RAPGEF4: variants seen among roughly 807,000 people sequenced by gnomAD.
RAPGEF4 encodes the protein RAP guanine-nucleotide-exchange factor (GEF) 4.
In RAPGEF4, 66 loss-of-function variants were observed where a neutral mutation model predicts 147.9. The observed-to-expected ratio is 0.45, with a 90% confidence interval of 0.37 to 0.55. The LOEUF (loss-of-function observed/expected upper bound fraction) is 0.55, where lower values mean the gene tolerates loss of function less well. RAPGEF4 is among the 20% of genes least tolerant of loss of function. The pLI is 0.00. For synonymous variants in RAPGEF4, 419 were observed against 442.7 expected (o/e 0.95, Z 0.67); for missense variants, 1,071 against 1,257.3 (o/e 0.85, Z 2.24).
At chr2:172,936,724 C>T (rs1686613860) in intron 6 of RAPGEF4, among the ~76,000 whole-genome samples, 1 of 151,702 alleles carries the variant, frequency 6.6e-6, no homozygotes, top group East Asian at 1.9e-4. Context: ...CCTGATGTTC[C>T]TAGTTTTCCT....
chr2:172,814,419 A>G lies in RAPGEF4; in HGVS notation c.438A>G (p.Leu146=). 6.2e-7 allele frequency: 1 copy of G among 1,614,142 alleles called. No homozygotes were observed. Among genetic ancestry groups the G allele is most frequent in the Non-Finnish European group, 8.5e-7 (1 of 1,179,992 alleles). Residue 146 remains leucine (L), a synonymous_variant, in exon 4 of 31, where the codon CTA becomes CTG. Coordinates refer to ENST00000397081, the MANE Select transcript of RAPGEF4 (RefSeq NM_007023.4). The part of the protein sequence containing the change: ...LRIEQKDFKA[L]WEKYRQYMAG... The stretch of plus-strand genomic sequence containing the variant: ...TCGAGCAGAAGGACTTCAAGGCACT[A>G]TGGGAGGTGAGCCCTAAGGCTTCTT...
At chr2:172,887,779 A>G (rs1697415668) in intron 4 of RAPGEF4, among the ~76,000 whole-genome samples, 1 of 152,070 alleles carries the variant, frequency 6.6e-6, no homozygotes, top group African/African-American at 2.4e-5. Context: ...GCCTTCGCAC[A>G]TACTGTTCCC....
chr2:172,857,431 T>C (rs1166512626), intron 4 of RAPGEF4, among the ~76,000 whole-genome samples: 1 of 152,246 alleles, frequency 6.6e-6, no homozygotes. Flanking sequence ...ACTCAGTGGA[T>C]ACTTCATATG....
At chr2:172,974,027 G>A (rs1690799461) in intron 10 of RAPGEF4, among the ~76,000 whole-genome samples, 2 of 152,180 alleles carry the variant, frequency 1.3e-5, no homozygotes, top group Admixed American at 6.5e-5. Context: ...CAATAGATTG[G>A]AAATGAAAAC....
intron 23 of RAPGEF4, among the ~76,000 whole-genome samples, chr2:173,023,212 A>T (rs1003839858): frequency 6.6e-6 from 1 of 152,134 alleles, no homozygotes; most frequent in African/African-American, 2.4e-5. Context: ...CATCCCTTTT[A>T]TGTCTTAGTC....
intron 4 of RAPGEF4, among the ~76,000 whole-genome samples, chr2:172,888,616 A>G (rs537959929): frequency 6.6e-6 from 1 of 152,362 alleles, no homozygotes; most frequent in Admixed American, 6.5e-5. Context: ...TTTGAATAAT[A>G]AGGATAATTC....
At chr2:172,993,458 T>C (rs1358120433) in intron 15 of RAPGEF4, among the ~76,000 whole-genome samples, 2 of 152,232 alleles carry the variant, frequency 1.3e-5, no homozygotes, top group African/African-American at 2.4e-5. Context: ...TAGGAACAGA[T>C]TGTAGTGTCC....
intron 1 of RAPGEF4, among the ~76,000 whole-genome samples, chr2:172,785,192 A>C (rs1685082155): frequency 6.6e-6 from 1 of 152,224 alleles, no homozygotes; most frequent in Non-Finnish European, 1.5e-5. Context: ...AGTAAGTGTC[A>C]AGGCCCTTTG....
intron 10 of RAPGEF4, among the ~76,000 whole-genome samples, chr2:172,977,228 C>A (rs1238758994): frequency 1.3e-5 from 2 of 152,146 alleles, no homozygotes; most frequent in Non-Finnish European, 2.9e-5. Flanking sequence ...GTCCTTGGGA[C>A]CCTTTCATTA....
intron 6 of RAPGEF4, among the ~76,000 whole-genome samples, chr2:172,925,783 GA>G (rs1339048844): frequency 2.1e-5 from 3 of 140,268 alleles, no homozygotes; most frequent in Non-Finnish European, 4.6e-5. Flanking sequence ...AAGAAAGAGA[GA>G]GAGAGAGAGA....
intron 4 of RAPGEF4, among the ~76,000 whole-genome samples, chr2:172,839,448 T>A (rs1691342623): frequency 6.6e-6 from 1 of 152,150 alleles, no homozygotes; most frequent in Admixed American, 6.5e-5. Context: ...ATGGGGTAAC[T>A]TCCTGACATT....
intron 4 of RAPGEF4, among the ~76,000 whole-genome samples, chr2:172,845,962 G>A (rs1020283123): frequency 1.3e-5 from 2 of 152,162 alleles, no homozygotes; most frequent in African/African-American, 2.4e-5. Flanking sequence ...ATTAAGAGAC[G>A]GAGGGTCTTT....
At position 172,842,296 on chromosome 2, in the gene RAPGEF4, A is replaced by G. The variant is rs17757038; in HGVS notation, c.444+27871A>G. Among the ~76,000 whole-genome samples the G allele has an allele frequency of 2.6e-4, 40 of 152,346 alleles. No homozygotes were observed. The Middle Eastern group carries it at 0.014, about 52-fold the overall frequency. On this transcript the variant is annotated intron_variant, in intron 4 of 30. Transcript: ENST00000397081. Reference sequence around the variant, plus strand: ...GAGGTGAACTTCATGAAGGAGGTGAAGTCTATACTGACTGGGCTTTGACAG... The same window carrying G: ...GAGGTGAACTTCATGAAGGAGGTGAGGTCTATACTGACTGGGCTTTGACAG...
In RAPGEF4 at chr2:172,824,653, A is replaced by G. The variant is rs541387297; in HGVS notation, c.444+10228A>G. Among the ~76,000 whole-genome samples, 220 of 152,340 alleles carry G rather than the reference A, an allele frequency of 1.4e-3. 1 individual carries two copies. The highest frequency in any genetic ancestry group is 3.4e-3 in the Middle Eastern group (1 of 294). The stretch of plus-strand genomic sequence containing the variant: ...GCCTATGTGGAATGGTTATTGGAAG[A>G]GTGAGAATAAGGTGCAAGATCATCC... On this transcript the variant is annotated intron_variant, in intron 4 of 30. Coordinates refer to ENST00000397081, the MANE Select transcript of RAPGEF4 (RefSeq NM_007023.4).
chr2:172,911,758 CTTTTTTTTTTTT>C (rs34659758), intron 4 of RAPGEF4, among the ~76,000 whole-genome samples: 2 of 63,246 alleles, frequency 3.2e-5, no homozygotes, highest in East Asian at 5.9e-4. Flanking sequence ...TGTGCTAAGC[CTTTTTTTTTTTT>C]TTTTTTTTTT....
chr2:172,831,093 G>C (rs899717745), intron 4 of RAPGEF4, among the ~76,000 whole-genome samples: 1 of 151,898 alleles, frequency 6.6e-6, no homozygotes, highest in African/African-American at 2.4e-5. Context: ...AAGGCATTTT[G>C]AGTCAAAATT....
At chr2:172,861,763 C>T (rs1026121050) in intron 4 of RAPGEF4, among the ~76,000 whole-genome samples, 6 of 152,108 alleles carry the variant, frequency 3.9e-5, no homozygotes, top group African/African-American at 7.2e-5. Context: ...TATATTAGAC[C>T]GACAGGAGTG....
intron 21 of RAPGEF4, 56 bp downstream of exon 21, chr2:173,017,560 TGGTAAGCATCAC>T: frequency 6.6e-7 from 1 of 1,512,538 alleles, no homozygotes; most frequent in Non-Finnish European, 9.2e-7. Context: ...GTCAGGATAA[TGGTAAGCATCAC>T]CTTGGACCCA....
rs1023946324 is a variant in RAPGEF4, at chr2:172,785,923, T to A, written c.66-9102T>A. On this transcript the variant is annotated intron_variant, in intron 1 of 30. Coordinates refer to ENST00000397081, the MANE Select transcript of RAPGEF4 (RefSeq NM_007023.4). ...CCACTAAGGGGTCTACTCAGCTGAT[T>A]GATGAAGGCGGTGGGCACTCTCCAC... Among the ~76,000 whole-genome samples the A allele has an allele frequency of 4.6e-5, 7 of 152,264 alleles. No homozygotes were observed. In the East Asian group the frequency reaches 9.7e-4, roughly 21 times the overall value.
Sources: gnomAD v4.1 joint callset for allele counts (sites outside exome capture counted in the v4.1 genomes callset) on GRCh38, gnomAD v4.1.1 for gene constraint, MANE v1.5 for transcripts, NCBI Gene and HGNC (gene_info 2026-07-23, HGNC 2026-07-21) for gene names.